The following BCR variants were observed in gnomAD, a reference collection of about 807,000 sequenced individuals.
BCR encodes breakpoint cluster region protein.
In BCR, 58 loss-of-function variants were observed where a neutral mutation model predicts 138.6. The observed-to-expected ratio is 0.42, with a 90% CI of 0.34 to 0.52. BCR has a LOEUF of 0.52. Ranked by LOEUF, BCR falls within the 20% of genes least tolerant of loss-of-function variation. The probability of loss-of-function intolerance (pLI) is 0.06; values close to 1 mark genes in which losing one functional copy is unlikely to be tolerated. For missense variants in BCR, 1,599 were observed against 1,727.2 expected (o/e 0.93, Z 1.32); for synonymous variants, 786 against 730.1 (o/e 1.08, Z -1.23).
chr22:23,180,865 CCGCCCGG>C lies in BCR; in HGVS notation c.-88_-82del. ...GCCGCCGCCGCGCGGGCCATGGGGG[CCGCCCGG>C]CGCCCGGGGCCGGGCTGGCGAGGCG... is the stretch of plus-strand genomic sequence containing the variant. On this transcript the variant is annotated 5_prime_UTR_variant, in exon 1 of 23. It introduces an in-frame stop codon into an upstream open reading frame of the 5' UTR. Coordinates refer to ENST00000305877, the MANE Select transcript of BCR (RefSeq NM_004327.4). 2.7e-6 allele frequency: 2 copies of C among 746,330 alleles called. No homozygotes were observed. Among genetic ancestry groups the C allele is most frequent in the Non-Finnish European group, 3.1e-6 (2 of 647,268 alleles). The allele number at this position is 746,330 out of a possible 1,614,324, so 46.2% of individuals were successfully genotyped here. A position where few individuals can be genotyped will look rare whatever the true frequency, so the allele number is the denominator to read the frequency against.
At chr22:23,226,375 G>A (rs1304231805) in intron 1 of BCR, among the ~76,000 whole-genome samples, 1 of 151,898 alleles carries the variant, frequency 6.6e-6, no homozygotes, top group African/African-American at 2.4e-5. Context: ...TGTATCAGCT[G>A]CCACATAGTA....
At chr22:23,254,003 T>C (rs745555992) in intron 2 of BCR, 23 bp downstream of exon 2, 3 of 1,593,406 alleles carry the variant, frequency 1.9e-6, no homozygotes, top group East Asian at 2.2e-5. Flanking sequence ...GGTGTACGTG[T>C]GGCAGGAGGG....
rs1475285332 is a variant in BCR at position 23,307,757 on chromosome 22, A to G, written c.3013-1667A>G. 3 of 146,320 alleles carry G rather than the reference A, an allele frequency of 2.1e-5. No individual in the cohort carries two copies. The East Asian group carries it at 5.8e-4, about 29-fold the overall frequency. The allele number at this position is 146,320 out of a possible 1,614,324, so 9.1% of individuals were successfully genotyped here. ...GGAAACGTTAACCAGTAGGACCTAG[A>G]AGGGGAGGTGAGAAGGGGTCAACCC... On this transcript the variant is annotated intron_variant, in intron 16 of 22. Coordinates refer to ENST00000305877, the MANE Select transcript of BCR (RefSeq NM_004327.4).
In BCR at chr22:23,181,280, C is replaced by T. The variant is rs2072252926; in HGVS notation, c.320C>T (p.Pro107Leu). The T allele has an allele frequency of 1.5e-6, 2 of 1,295,556 alleles. No homozygotes were observed. The highest frequency in any genetic ancestry group is 2.0e-6 in the Non-Finnish European group (2 of 1,016,110). 80.3% of individuals were successfully genotyped at this position (1,295,556 alleles called of 1,614,324 possible). A position where few individuals can be genotyped will look rare whatever the true frequency, so the allele number is the denominator to read the frequency against. ...PQPAPADGADPPPAEEPEARP... is the reference protein window; with the variant it reads ...PQPAPADGADLPPAEEPEARP... ...CCAGCGCCCGCCGACGGAGCCGACC[C>T]GCCGCCCGCCGAGGAGCCCGAGGCC... is the stretch of plus-strand genomic sequence containing the variant. Residue 107 changes from proline (P) to leucine (L), a missense_variant, in exon 1 of 23, where the codon CCG becomes CTG. Coordinates refer to ENST00000305877, the MANE Select transcript of BCR (RefSeq NM_004327.4).
intron 16 of BCR, among the ~76,000 whole-genome samples, chr22:23,297,204 G>GTTTTTTTTTTTTTTTTT (rs1568979500): frequency 4.8e-5 from 6 of 124,158 alleles, no homozygotes; most frequent in African/African-American, 1.8e-4. Context: ...GCCTGGCTAA[G>GTTTTTTTTTTTTTTTTT]TTGTTTTTTG....
rs1262082732 is a variant in BCR at position 23,287,272 on chromosome 22, C to T, written c.2520C>T (p.Asn840=). Residue 840 remains asparagine (N), a synonymous_variant, in exon 11 of 23, where the codon AAC becomes AAT. Transcript: ENST00000305877. ...PSMAFRVHSR[N]GKSYTFLISS... is the part of the protein sequence containing the mutation. ...TGGCCTTCAGGGTGCACAGCCGCAA[C>T]GGCAAGGTGAGCGCCTGCTGTTCCG... The T allele has an allele frequency of 9.1e-6, 14 of 1,546,790 alleles. No homozygotes were observed. The highest frequency in any genetic ancestry group is 6.0e-5 in the South Asian group (5 of 82,870).
intron 2 of BCR, among the ~76,000 whole-genome samples, chr22:23,256,564 C>CCCTT (rs1383183745): frequency 6.6e-6 from 1 of 152,178 alleles, no homozygotes; most frequent in African/African-American, 2.4e-5. Flanking sequence ...TGAAAACCTG[C>CCCTT]CCTTGCCCAG....
chr22:23,288,769 T>C (rs934005591), intron 12 of BCR, among the ~76,000 whole-genome samples: 2 of 152,174 alleles, frequency 1.3e-5, no homozygotes, highest in African/African-American at 4.8e-5. Flanking sequence ...CCCTTCCTTC[T>C]CTGGGCACTT....
At chr22:23,303,961 G>T (rs560735858) in intron 16 of BCR, among the ~76,000 whole-genome samples, 54 of 135,556 alleles carry the variant, frequency 4.0e-4, no homozygotes, top group Non-Finnish European at 7.1e-4. Flanking sequence ...TTAAGACAGG[G>T]TCTTGCTCTG....
At chr22:23,185,843 C>T (rs1321090802) in intron 1 of BCR, among the ~76,000 whole-genome samples, 1 of 151,762 alleles carries the variant, frequency 6.6e-6, no homozygotes, top group Non-Finnish European at 1.5e-5. Flanking sequence ...ATTCTCCTGC[C>T]TCAGCCTCCT....
intron 1 of BCR, among the ~76,000 whole-genome samples, chr22:23,193,067 G>A (rs372407280): frequency 2.6e-5 from 4 of 152,206 alleles, no homozygotes; most frequent in African/African-American, 7.2e-5. Context: ...CTCTACTCAA[G>A]TGCCACTGTT....
intron 1 of BCR, among the ~76,000 whole-genome samples, chr22:23,183,839 TAG>T (rs1474281313): frequency 1.3e-5 from 2 of 152,262 alleles, no homozygotes; most frequent in African/African-American, 2.4e-5. Context: ...ACAGCTCCTG[TAG>T]ACTTGGCCAT....
Position 23,257,400 on chromosome 22 carries a change from C to T in BCR, c.1461+3420C>T, listed in dbSNP as rs1364636346. Among the ~76,000 whole-genome samples, 4 of 152,362 alleles carry T rather than the reference C, an allele frequency of 2.6e-5. No individual in the cohort carries two copies. In the East Asian group the frequency reaches 5.8e-4, roughly 22 times the overall value. The stretch of plus-strand genomic sequence containing the variant: ...GAACGAGACACAGTGCTCCCACCCA[C>T]GCCGGCACAAGCATCTCACACTGGG... On this transcript the variant is annotated intron_variant, in intron 2 of 22. Coordinates refer to ENST00000305877, the MANE Select transcript of BCR (RefSeq NM_004327.4).
rs555245129 is a variant in BCR at position 23,290,725 on chromosome 22, C to T, written c.2782+312C>T. ...TTTGACAGACATCCCCAGGGGTGCC[C>T]GGGAGTGTGGGGTCCAAGCCAGGAG... On this transcript the variant is annotated intron_variant, in intron 14 of 22. Transcript: ENST00000305877. 1.9e-5 allele frequency: 7 copies of T among 370,964 alleles called. No individual in the cohort carries two copies. The East Asian group carries it at 2.7e-4, about 14-fold the overall frequency. The allele number at this position is 370,964 out of a possible 1,614,324, so 23.0% of individuals were successfully genotyped here.
chr22:23,181,327 C>T lies in BCR; in HGVS notation c.367C>T (p.Pro123Ser). The T allele has an allele frequency of 1.4e-6, 2 of 1,400,112 alleles. No homozygotes were observed. Among genetic ancestry groups the T allele is most frequent in the Non-Finnish European group, 1.9e-6 (2 of 1,079,296 alleles). 86.7% of individuals were successfully genotyped at this position (1,400,112 alleles called of 1,614,324 possible). Residue 123 changes from proline (P) to serine (S), a missense_variant, in exon 1 of 23, where the codon CCG (proline) becomes TCG (serine). Pro to Ser is a moderately conservative substitution (Grantham distance 74, BLOSUM62 -1). Transcript: ENST00000305877. ...PEARPDGEGSPGKARPGTARR... is the reference protein window; with the variant it reads ...PEARPDGEGSSGKARPGTARR... Reference sequence around the variant, plus strand: ...GGCCCGGCCCGACGGCGAGGGTTCTCCGGGTAAGGCCAGGCCCGGGACCGC... The same window carrying T: ...GGCCCGGCCCGACGGCGAGGGTTCTTCGGGTAAGGCCAGGCCCGGGACCGC...
At chr22:23,297,204 G>GTTTTTTTTTTTTTTTTTTT (rs1568979500) in intron 16 of BCR, among the ~76,000 whole-genome samples, 3 of 124,154 alleles carry the variant, frequency 2.4e-5, no homozygotes, top group Admixed American at 8.9e-5. Context: ...GCCTGGCTAA[G>GTTTTTTTTTTTTTTTTTTT]TTGTTTTTTG....
At chr22:23,201,886 A>C (rs552650873) in intron 1 of BCR, among the ~76,000 whole-genome samples, 1 of 152,330 alleles carries the variant, frequency 6.6e-6, no homozygotes, top group Non-Finnish European at 1.5e-5. Flanking sequence ...AGGGGAGCAG[A>C]TGAAGAGTCA....
intron 4 of BCR, among the ~76,000 whole-genome samples, chr22:23,266,306 C>G (rs2073440677): frequency 6.6e-6 from 1 of 152,096 alleles, no homozygotes; most frequent in African/African-American, 2.4e-5. Flanking sequence ...CCAGGCTGGT[C>G]TCAAACTCCT....
chr22:23,253,506 G>T (rs1158686934), intron 1 of BCR, among the ~76,000 whole-genome samples: 2 of 152,236 alleles, frequency 1.3e-5, no homozygotes, highest in Non-Finnish European at 2.9e-5. Context: ...CAGGAAAGTA[G>T]AGGGTGGGAT....
Sources: allele counts gnomAD v4.1 joint callset (sites outside exome capture counted in the v4.1 genomes callset), GRCh38; gene constraint gnomAD v4.1.1; transcripts MANE v1.5; gene names NCBI Gene and HGNC (gene_info 2026-07-23, HGNC 2026-07-21).